EMCN: variants seen among roughly 807,000 people sequenced by gnomAD.
EMCN encodes the protein endomucin, also known as MUC-14.
EMCN carries 37 observed loss-of-function variants against 38.4 expected under a neutral mutation model. The observed-to-expected ratio is 0.96, with a 90% confidence interval of 0.74 to 1.27. The LOEUF (loss-of-function observed/expected upper bound fraction) is 1.27, where lower values mean the gene tolerates loss of function less well. Ranked by LOEUF, EMCN falls within the 50% of genes most tolerant of loss-of-function variation. The pLI, the probability that EMCN is intolerant of heterozygous loss-of-function variation, is 0.00. For missense variants in EMCN, 318 were observed against 302.8 expected (o/e 1.05, Z -0.37); for synonymous variants, 95 against 100.8 (o/e 0.94, Z 0.35).
Position 100,472,356 on chromosome 4 carries a change from A to G in EMCN, c.259+2682T>C, listed in dbSNP as rs1312100526. ...AATTGAAATAAAAAATTATTTTATT[A>G]CAAAATAATTTTATTAAAAGTGAAT... On this transcript the variant is annotated intron_variant, in intron 3 of 11. Coordinates refer to ENST00000296420, the MANE Select transcript of EMCN (RefSeq NM_016242.4). 3.3e-5 allele frequency among the ~76,000 whole-genome samples: 5 copies of G among 151,996 alleles called. No individual in the cohort carries two copies. The East Asian group carries it at 9.6e-4, about 29-fold the overall frequency.
intron 1 of EMCN, among the ~76,000 whole-genome samples, chr4:100,484,450 C>A (rs1288500734): frequency 6.6e-6 from 1 of 152,132 alleles, no homozygotes; most frequent in African/African-American, 2.4e-5. Flanking sequence ...CAGGGTCTTG[C>A]TATTTTTCTC....
At chr4:100,447,303 G>C (rs952330176) in intron 5 of EMCN, among the ~76,000 whole-genome samples, 4 of 152,086 alleles carry the variant, frequency 2.6e-5, no homozygotes, top group African/African-American at 9.7e-5. Context: ...TTATACATTC[G>C]CTAGAGCTGG....
intron 5 of EMCN, among the ~76,000 whole-genome samples, chr4:100,423,729 G>A (rs1229341746): frequency 6.6e-6 from 1 of 152,074 alleles, no homozygotes; most frequent in Admixed American, 6.6e-5. Context: ...CTATGCAAAA[G>A]CATTTTTCAA....
chr4:100,458,339 G>T (rs1167062438), intron 4 of EMCN, among the ~76,000 whole-genome samples: 1 of 151,918 alleles, frequency 6.6e-6, no homozygotes, highest in Admixed American at 6.6e-5. Flanking sequence ...ATATTTCCAA[G>T]GGCCTAGTGA....
intron 5 of EMCN, among the ~76,000 whole-genome samples, chr4:100,423,627 T>C (rs1726961135): frequency 6.6e-6 from 1 of 152,140 alleles, no homozygotes; most frequent in African/African-American, 2.4e-5. Context: ...GTTTTACATC[T>C]TCAGGAACTC....
At chr4:100,491,237 A>G (rs946346884) in intron 1 of EMCN, among the ~76,000 whole-genome samples, 5 of 152,148 alleles carry the variant, frequency 3.3e-5, no homozygotes, top group African/African-American at 1.2e-4. Flanking sequence ...GCCTAGACTA[A>G]TGTCTCTATT....
chr4:100,504,572 A>G (rs554845542), intron 1 of EMCN, among the ~76,000 whole-genome samples: 98 of 126,418 alleles, frequency 7.8e-4, no homozygotes, highest in Non-Finnish European at 1.8e-4. Flanking sequence ...ACCAGGCCAT[A>G]CAGAGATAGG....
intron 1 of EMCN, among the ~76,000 whole-genome samples, chr4:100,492,261 C>T (rs567059686): frequency 1.3e-5 from 2 of 151,948 alleles, no homozygotes; most frequent in South Asian, 2.1e-4. Context: ...ATAAAGAATA[C>T]AATGACTAAA....
intron 5 of EMCN, among the ~76,000 whole-genome samples, chr4:100,433,570 C>G (rs2110229440): frequency 6.6e-6 from 1 of 151,704 alleles, no homozygotes; most frequent in East Asian, 1.9e-4. Context: ...CAGTCTCACT[C>G]TGTCATCCAG....
chr4:100,418,517 C>A (rs1310663506), intron 8 of EMCN, among the ~76,000 whole-genome samples: 1 of 151,954 alleles, frequency 6.6e-6, no homozygotes, highest in Non-Finnish European at 1.5e-5. Context: ...ATTTTTGTAC[C>A]CATTAACCAT....
chr4:100,504,974 A>T (rs1467553897), intron 1 of EMCN, among the ~76,000 whole-genome samples: 2 of 152,222 alleles, frequency 1.3e-5, no homozygotes, highest in African/African-American at 4.8e-5. Flanking sequence ...CCTTTTAGAT[A>T]GCAGTAGCAA....
At chr4:100,430,981 TTAAA>T (rs1727180284) in intron 5 of EMCN, among the ~76,000 whole-genome samples, 1 of 152,132 alleles carries the variant, frequency 6.6e-6, no homozygotes, top group African/African-American at 2.4e-5. Flanking sequence ...GTTAGAAAAC[TTAAA>T]TAAACTACCC....
At chr4:100,425,947 G>C (rs1353980320) in intron 5 of EMCN, among the ~76,000 whole-genome samples, 1 of 152,022 alleles carries the variant, frequency 6.6e-6, no homozygotes, top group Non-Finnish European at 1.5e-5. Context: ...TTGTGGCTAG[G>C]TTGTTTCAGG....
chr4:100,434,052 C>T lies in EMCN; in HGVS notation c.416-10648G>A, dbSNP rs146013189. ...GAGTGGAACTGAAGGAGATACAGAA[C>T]GAAAAAACCTTCAATAAATCAATGA... On this transcript the variant is annotated intron_variant, in intron 5 of 11. Transcript: ENST00000296420. Among the ~76,000 whole-genome samples, 72 of 151,626 alleles carry T rather than the reference C, an allele frequency of 4.7e-4. 2 individuals carry two copies. The highest frequency in any genetic ancestry group is 1.5e-3 in the African/African-American group (60 of 41,362).
intron 1 of EMCN, 139 bp downstream of exon 1, chr4:100,517,712 T>G: frequency 1.3e-6 from 1 of 795,262 alleles, no homozygotes. Context: ...GCACTCCAAG[T>G]CAACATCCAA....
At chr4:100,468,770 TA>T (rs1305459838) in intron 3 of EMCN, among the ~76,000 whole-genome samples, 2 of 152,046 alleles carry the variant, frequency 1.3e-5, no homozygotes, top group Admixed American at 6.6e-5. Flanking sequence ...AAAGATATCC[TA>T]TGTTCATGGA....
At chr4:100,451,246 A>G (rs1343829765) in intron 4 of EMCN, among the ~76,000 whole-genome samples, 1 of 151,926 alleles carries the variant, frequency 6.6e-6, no homozygotes, top group Non-Finnish European at 1.5e-5. Flanking sequence ...CGATTTAAAG[A>G]AAAACACTAA....
chr4:100,483,089 C>T (rs1728854957), intron 1 of EMCN, among the ~76,000 whole-genome samples: 1 of 152,130 alleles, frequency 6.6e-6, no homozygotes, highest in African/African-American at 2.4e-5. Context: ...AGCATGCCCT[C>T]TTTTGGCAAG....
chr4:100,443,091 C>G (rs1038528012), intron 5 of EMCN, among the ~76,000 whole-genome samples: 2 of 152,230 alleles, frequency 1.3e-5, no homozygotes, highest in Admixed American at 6.5e-5. Context: ...TTCAAGTGAT[C>G]TGCCCATCTC....
Sources: allele counts gnomAD v4.1 joint callset (sites outside exome capture counted in the v4.1 genomes callset), GRCh38; gene constraint gnomAD v4.1.1; transcripts MANE v1.5; gene names NCBI Gene and HGNC (gene_info 2026-07-23, HGNC 2026-07-21).